Variants in FAM120B observed in about 807,000 individuals in gnomAD.
The protein encoded by FAM120B is constitutive coactivator of peroxisome proliferator-activated receptor gamma.
A neutral mutation model predicts 96.3 loss-of-function variants in FAM120B; 83 were observed. That is an observed-to-expected ratio of 0.86 (90% CI 0.72 to 1.03). The LOEUF (loss-of-function observed/expected upper bound fraction) is 1.03, where lower values mean the gene tolerates loss of function less well. Among genes scored for constraint, FAM120B ranks in the 50% least tolerant of loss-of-function variants. The probability of loss-of-function intolerance (pLI) is 0.00; values close to 1 mark genes in which losing one functional copy is unlikely to be tolerated. For synonymous variants in FAM120B, 407 were observed against 402.7 expected, an observed-to-expected ratio of 1.01 and a Z score of -0.13; for missense variants, 1,027 against 1,121.2, an observed-to-expected ratio of 0.92 and a Z score of 1.20.
chr6:170,332,995 A>G (rs975232608), intron 4 of FAM120B, among the ~76,000 whole-genome samples: 1 of 152,162 alleles, frequency 6.6e-6, no homozygotes, highest in African/African-American at 2.4e-5. Context: ...GGAAATCACA[A>G]GTATTTTCCA....
chr6:170,330,814 GGA>G (rs1347898575), intron 4 of FAM120B: 40 of 442,018 alleles, frequency 9.0e-5, no homozygotes, highest in African/African-American at 7.1e-4. Context: ...CCACAGCAGT[GGA>G]GAGAGAAAAG....
At chr6:170,355,634 TGATGA>T (rs1787865642) in intron 5 of FAM120B, among the ~76,000 whole-genome samples, 1 of 152,036 alleles carries the variant, frequency 6.6e-6, no homozygotes, top group Non-Finnish European at 1.5e-5. Flanking sequence ...GATACCTAGG[TGATGA>T]GATGATCTGT....
chr6:170,402,010 C>T (rs549299021), intron 9 of FAM120B, among the ~76,000 whole-genome samples: 1 of 152,368 alleles, frequency 6.6e-6, no homozygotes, highest in African/African-American at 2.4e-5. Context: ...CCTCAGGACT[C>T]CCTGCGCCCT....
At chr6:170,393,784 G>A (rs1790591655) in intron 8 of FAM120B, among the ~76,000 whole-genome samples, 1 of 152,228 alleles carries the variant, frequency 6.6e-6, no homozygotes, top group Non-Finnish European at 1.5e-5. Flanking sequence ...CCAGCCCCAT[G>A]TTCTTGGGTA....
At chr6:170,368,240 A>G (rs1014220575) in intron 6 of FAM120B, among the ~76,000 whole-genome samples, 4 of 152,168 alleles carry the variant, frequency 2.6e-5, no homozygotes, top group African/African-American at 9.7e-5. Context: ...TGCATGTCTG[A>G]GCTGATCAAA....
At chr6:170,387,426 G>A (rs974243765) in intron 6 of FAM120B, among the ~76,000 whole-genome samples, 2 of 152,160 alleles carry the variant, frequency 1.3e-5, no homozygotes, top group African/African-American at 4.8e-5. Flanking sequence ...GACAATGACG[G>A]ATTCAGTTTC....
chr6:170,372,573 C>T (rs907365998), intron 6 of FAM120B, among the ~76,000 whole-genome samples: 2 of 152,158 alleles, frequency 1.3e-5, no homozygotes, highest in Admixed American at 6.5e-5. Context: ...TAGGTAAATA[C>T]TGTGTGGGCT....
intron 4 of FAM120B, among the ~76,000 whole-genome samples, chr6:170,342,797 T>G (rs74321545): frequency 0.014 from 2,172 of 152,294 alleles, 53 homozygotes; most frequent in African/African-American, 0.05. Flanking sequence ...GGGACCAGAT[T>G]GCTTGTTTTG....
chr6:170,369,517 G>A (rs1054838786), intron 6 of FAM120B, among the ~76,000 whole-genome samples: 7 of 152,166 alleles, frequency 4.6e-5, no homozygotes, highest in Non-Finnish European at 7.3e-5. Flanking sequence ...GCAGAAAGCA[G>A]AGAATTCCGA....
chr6:170,395,620 G>T, intron 9 of FAM120B, 41 bp downstream of exon 9: 1 of 1,417,358 alleles, frequency 7.1e-7, no homozygotes, highest in Non-Finnish European at 9.8e-7. Context: ...CACCTGCATG[G>T]CACTGCCTCT....
At chr6:170,322,768 A>G (rs1228937604) in intron 2 of FAM120B, among the ~76,000 whole-genome samples, 1 of 152,214 alleles carries the variant, frequency 6.6e-6, no homozygotes, top group Non-Finnish European at 1.5e-5. Context: ...AGACCCTTTC[A>G]TAGCAATACT....
intron 1 of FAM120B, among the ~76,000 whole-genome samples, chr6:170,300,267 A>G (rs1355736354): frequency 1.3e-5 from 2 of 152,226 alleles, no homozygotes; most frequent in Non-Finnish European, 2.9e-5. Context: ...AGCAAAGAGA[A>G]GTGCAGAGCA....
rs1210121290 is a variant in FAM120B at position 170,295,989 on chromosome 6, T to G, written c.48+536T>G. 3.3e-5 allele frequency among the ~76,000 whole-genome samples: 5 copies of G among 151,856 alleles called. No homozygotes were observed. The East Asian group carries it at 9.9e-4, about 30-fold the overall frequency. On this transcript the variant is annotated intron_variant, in intron 1 of 10. Coordinates refer to the FAM120B transcript ENST00000537664. The surrounding 1 kb of genome is among the most constrained non-coding windows in gnomAD (Gnocchi z 7.8). ...GGCAGCGGGCCCCCGCCCCCTCCTC[T>G]GCGCCGCGGCTCCTTCCCCTGGAAC...
intron 6 of FAM120B, among the ~76,000 whole-genome samples, chr6:170,376,998 ACGCC>A (rs1789570247): frequency 1.4e-5 from 2 of 144,918 alleles, no homozygotes; most frequent in African/African-American, 2.6e-5. Context: ...CTAAACCCAG[ACGCC>A]TGGGAGAACA....
In FAM120B at chr6:170,318,011, C is replaced by T. The variant is rs368625818; in HGVS notation, c.621C>T (p.Cys207=). 2 of 1,613,792 alleles carry T rather than the reference C, an allele frequency of 1.2e-6. No individual in the cohort carries two copies. The highest frequency in any genetic ancestry group is 2.7e-5 in the African/African-American group (2 of 74,942). Residue 207 remains cysteine (C), a synonymous_variant, in exon 2 of 11, where the codon TGC becomes TGT. Coordinates refer to ENST00000476287, the MANE Select transcript of FAM120B (RefSeq NM_032448.3). ...AGAGCCTGGACACCGTCATGCTCTG[C>T]AGAGAGAAGCTCTGTGAGAGTCTGG... The part of the protein sequence containing the change: ...CLESLDTVML[C]REKLCESLGL...
Position 170,348,249 on chromosome 6 carries a change from T to C in FAM120B, c.2116T>C (p.Ser706Pro). 6.2e-7 allele frequency: 1 copy of C among 1,614,078 alleles called. No individual in the cohort carries two copies. Among genetic ancestry groups the C allele is most frequent in the African/African-American group, 1.3e-5 (1 of 75,050 alleles). ...TLLACFNLSSSREELQAVESP... is the reference protein window; with the variant it reads ...TLLACFNLSSPREELQAVESP... ...CCTAGCCTGTTTCAATCTTTCCTCC[T>C]CAAGAGAAGAGCTGCAGGCTGTCGA... Residue 706 changes from serine to proline, a missense_variant, in exon 5 of 11, where the codon TCA (serine) becomes CCA (proline). Around this residue, in one of 3 missense-constraint regions of FAM120B, gnomAD observed 880 missense variants for 980.9 expected, o/e 0.90. Transcript: ENST00000476287.
intron 6 of FAM120B, among the ~76,000 whole-genome samples, chr6:170,361,791 A>G (rs185138724): frequency 9.9e-5 from 15 of 152,170 alleles, no homozygotes; most frequent in Admixed American, 2.6e-4. Flanking sequence ...TTAAGTTAGA[A>G]TCTTTCTTTT....
chr6:170,295,240 T>C, upstream of FAM120B: 1 of 585,040 alleles, frequency 1.7e-6, no homozygotes, highest in Non-Finnish European at 3.1e-6. This position sits in a 1 kb window ranked among gnomAD's most constrained non-coding sequence, Gnocchi z 7.8. Flanking sequence ...AACATAGACC[T>C]TACCCCCCAA....
chr6:170,290,917 C>T (rs1262469072), upstream of FAM120B: 1 of 696,090 alleles, frequency 1.4e-6, no homozygotes, highest in Non-Finnish European at 2.6e-6. The surrounding 1 kb of genome is among the most constrained non-coding windows in gnomAD (Gnocchi z 4.7). Context: ...CGCGGGTGCG[C>T]GCAGAGGATC....
Sources: allele counts gnomAD v4.1 joint callset (sites outside exome capture counted in the v4.1 genomes callset), GRCh38; gene constraint gnomAD v4.1.1; regional missense constraint gnomAD v4.1.1; non-coding constraint Gnocchi (gnomAD v3.1); transcripts MANE v1.5; gene names NCBI Gene and HGNC (gene_info 2026-07-23, HGNC 2026-07-21).